The following XIRP2 variants were observed in gnomAD, a reference collection of about 807,000 sequenced individuals.
The protein encoded by XIRP2 is xin actin-binding repeat-containing protein 2.
A neutral mutation model predicts 277.0 loss-of-function variants in XIRP2; 236 were observed. The observed-to-expected ratio is 0.85, with a 90% CI of 0.77 to 0.95. The LOEUF (loss-of-function observed/expected upper bound fraction) is 0.95, where lower values mean the gene tolerates loss of function less well. Among genes scored for constraint, XIRP2 ranks in the 40% least tolerant of loss-of-function variants. The pLI is 0.00. For synonymous variants in XIRP2, 1,490 were observed against 1,416.5 expected, an observed-to-expected ratio of 1.05 and a Z score of -1.17; for missense variants, 4,640 against 4,157.5, an observed-to-expected ratio of 1.12 and a Z score of -3.19.
At chr2:167,220,974 T>C (rs927032996) in intron 5 of XIRP2, among the ~76,000 whole-genome samples, 1 of 152,200 alleles carries the variant, frequency 6.6e-6, no homozygotes, top group Non-Finnish European at 1.5e-5. Context: ...TCTGGAGCTG[T>C]AGTGACTTCT....
At chr2:167,155,390 T>C (rs2105335419) in intron 3 of XIRP2, among the ~76,000 whole-genome samples, 1 of 151,644 alleles carries the variant, frequency 6.6e-6, no homozygotes, top group Non-Finnish European at 1.5e-5. Flanking sequence ...TCAAAAACCT[T>C]ATCCACCATG....
At chr2:166,940,188 C>G (rs1685664423) in intron 2 of XIRP2, among the ~76,000 whole-genome samples, 1 of 152,176 alleles carries the variant, frequency 6.6e-6, no homozygotes, top group Admixed American at 6.5e-5. Context: ...CAGTTCATTT[C>G]CTTCATTTGA....
In XIRP2 at chr2:167,191,460, C is replaced by T. The variant is rs113859786; in HGVS notation, c.563-19275C>T. Among the ~76,000 whole-genome samples the T allele has an allele frequency of 1.6e-3, 247 of 152,188 alleles. 2 individuals carry two copies. The highest frequency in any genetic ancestry group is 2.9e-3 in the Non-Finnish European group (198 of 68,026). On this transcript the variant is annotated intron_variant, in intron 3 of 10. Coordinates refer to ENST00000409195, the MANE Select transcript of XIRP2 (RefSeq NM_152381.6). ...GACATCAACCCAACCCCAGCCCACC[C>T]CCATGACTCCGGATACATTTCCAAG...
chr2:167,022,223 G>T (rs1688003533), intron 2 of XIRP2, among the ~76,000 whole-genome samples: 1 of 151,866 alleles, frequency 6.6e-6, no homozygotes, highest in South Asian at 2.1e-4. Flanking sequence ...GCAATATTTT[G>T]GATTCCTAAG....
chr2:167,173,649 G>T (rs1692758887), intron 3 of XIRP2, among the ~76,000 whole-genome samples: 1 of 152,120 alleles, frequency 6.6e-6, no homozygotes, highest in Non-Finnish European at 1.5e-5. Context: ...AATATACCCA[G>T]CAGTGGGATT....
intron 5 of XIRP2, among the ~76,000 whole-genome samples, chr2:167,237,887 T>C (rs980679036): frequency 6.6e-6 from 1 of 152,210 alleles, no homozygotes; most frequent in African/African-American, 2.4e-5. Context: ...TAAAGAGCTG[T>C]CATTAGTGCC....
chr2:166,912,521 C>G (rs1051411220), intron 2 of XIRP2, among the ~76,000 whole-genome samples: 3 of 152,056 alleles, frequency 2.0e-5, no homozygotes, highest in African/African-American at 7.2e-5. Flanking sequence ...AATCTTTTTT[C>G]AAGGTTTTTA....
intron 2 of XIRP2, among the ~76,000 whole-genome samples, chr2:166,923,068 T>C (rs1685097595): frequency 6.6e-6 from 1 of 151,126 alleles, no homozygotes; most frequent in Admixed American, 6.6e-5. Flanking sequence ...TCAAAGAGAG[T>C]GAGAAATAAA....
intron 3 of XIRP2, among the ~76,000 whole-genome samples, chr2:167,139,993 G>C (rs1490039407): frequency 6.6e-6 from 1 of 152,040 alleles, no homozygotes; most frequent in Non-Finnish European, 1.5e-5. Context: ...TTCATTTTAA[G>C]TGATCCTCTA....
chr2:167,231,136 A>G (rs886858242), intron 5 of XIRP2, among the ~76,000 whole-genome samples: 21 of 152,042 alleles, frequency 1.4e-4, no homozygotes, highest in Non-Finnish European at 2.5e-4. Flanking sequence ...TAACCTTGCA[A>G]TGCTTAGATC....
chr2:166,954,198 G>T (rs1239874081), intron 2 of XIRP2, among the ~76,000 whole-genome samples: 1 of 151,798 alleles, frequency 6.6e-6, no homozygotes, highest in African/African-American at 2.4e-5. Context: ...AATGTTCCAT[G>T]ATGTACAATT....
chr2:167,018,972 G>C, intron 2 of XIRP2, among the ~76,000 whole-genome samples: 1 of 151,924 alleles, frequency 6.6e-6, no homozygotes, highest in East Asian at 1.9e-4. Context: ...TAATCTTTGA[G>C]TTATTTCTGC....
Position 166,960,826 on chromosome 2 carries a change from T to C in XIRP2, c.408+56936T>C, listed in dbSNP as rs148937721. Among the ~76,000 whole-genome samples, 374 of 151,854 alleles carry C rather than the reference T, an allele frequency of 2.5e-3. 1 individual carries two copies. The highest frequency in any genetic ancestry group is 8.5e-3 in the African/African-American group (351 of 41,490). ...TTAAAGAGACTAGAATTGGGCTTATTCCAGGCCTCCTACTTTGAAGCACTT... is the reference window on the plus strand; with the variant it reads ...TTAAAGAGACTAGAATTGGGCTTATCCCAGGCCTCCTACTTTGAAGCACTT... On this transcript the variant is annotated intron_variant, in intron 2 of 10. Transcript: ENST00000409195.
intron 2 of XIRP2, among the ~76,000 whole-genome samples, chr2:167,014,327 G>T (rs1687764595): frequency 6.6e-6 from 1 of 151,420 alleles, no homozygotes; most frequent in African/African-American, 2.4e-5. Flanking sequence ...GATGTTTCAG[G>T]AAATATGACA....
chr2:166,948,504 G>A (rs551352483), intron 2 of XIRP2, among the ~76,000 whole-genome samples: 5 of 152,170 alleles, frequency 3.3e-5, no homozygotes, highest in Admixed American at 2.6e-4. Flanking sequence ...CCCACTTTAT[G>A]TACCTCAGAA....
intron 1 of XIRP2, among the ~76,000 whole-genome samples, chr2:166,901,427 A>T (rs886523771): frequency 1.3e-5 from 2 of 152,082 alleles, no homozygotes; most frequent in African/African-American, 4.8e-5. Flanking sequence ...AAGTATGTCT[A>T]TTCCAACTTG....
At chr2:166,892,734 C>T (rs1684135041) in intron 1 of XIRP2, among the ~76,000 whole-genome samples, 1 of 151,096 alleles carries the variant, frequency 6.6e-6, no homozygotes. Flanking sequence ...GGTTACTTGA[C>T]ATAGAATGCT....
chr2:167,161,647 C>T (rs1466423543), intron 3 of XIRP2, among the ~76,000 whole-genome samples: 2 of 152,194 alleles, frequency 1.3e-5, no homozygotes, highest in Non-Finnish European at 2.9e-5. Context: ...GGCCCAGCCC[C>T]AAGAAACCAC....
chr2:166,920,140 C>G (rs968888448), intron 2 of XIRP2, among the ~76,000 whole-genome samples: 3 of 152,232 alleles, frequency 2.0e-5, no homozygotes, highest in Non-Finnish European at 4.4e-5. Context: ...GTGGTAATGA[C>G]TGAACACTGC....
Sources: allele counts gnomAD v4.1 joint callset (sites outside exome capture counted in the v4.1 genomes callset), GRCh38; gene constraint gnomAD v4.1.1; transcripts MANE v1.5; gene names NCBI Gene and HGNC (gene_info 2026-07-23, HGNC 2026-07-21).